PPM1H: variants seen among roughly 807,000 people sequenced by gnomAD.
The protein encoded by PPM1H is protein phosphatase, Mg2+/Mn2+ dependent 1H.
A neutral mutation model predicts 54.9 loss-of-function variants in PPM1H; 27 were observed. The observed-to-expected ratio is 0.49, with a 90% CI of 0.36 to 0.68. The LOEUF is 0.68. PPM1H is among the 30% of genes least tolerant of loss of function. The pLI is 0.00. For missense variants in PPM1H, 596 were observed against 667.8 expected (o/e 0.89, Z 1.19); for synonymous variants, 305 against 270.8 (o/e 1.13, Z -1.24).
intron 9 of PPM1H, 112 bp downstream of exon 9, chr12:62,667,066 G>T: frequency 8.1e-7 from 1 of 1,237,994 alleles, no homozygotes; most frequent in East Asian, 2.4e-5. Context: ...TTACTGTACC[G>T]TCCATATCAG....
chr12:62,834,968 C>G (rs1868458758), intron 1 of PPM1H, among the ~76,000 whole-genome samples: 1 of 152,148 alleles, frequency 6.6e-6, no homozygotes, highest in Non-Finnish European at 1.5e-5. Context: ...CTGGGAAAAC[C>G]TGTTCATGAC....
intron 1 of PPM1H, among the ~76,000 whole-genome samples, chr12:62,906,358 A>T (rs1035959296): frequency 6.6e-6 from 1 of 152,220 alleles, no homozygotes; most frequent in African/African-American, 2.4e-5. Context: ...TTTATGTTTC[A>T]TAATCACTGG....
At chr12:62,791,049 T>C (rs963564294) in intron 3 of PPM1H, among the ~76,000 whole-genome samples, 3 of 152,176 alleles carry the variant, frequency 2.0e-5, no homozygotes, top group Non-Finnish European at 2.9e-5. Flanking sequence ...TTAATAAATA[T>C]CTGTTCAATG....
chr12:62,913,480 T>G (rs1365994455), intron 1 of PPM1H, among the ~76,000 whole-genome samples: 1 of 152,108 alleles, frequency 6.6e-6, no homozygotes, highest in Non-Finnish European at 1.5e-5. Context: ...TGCCCTTCCA[T>G]GCACCCACAC....
chr12:62,713,533 A>G (rs1216668710), intron 6 of PPM1H, among the ~76,000 whole-genome samples: 1 of 152,178 alleles, frequency 6.6e-6, no homozygotes, highest in African/African-American at 2.4e-5. Flanking sequence ...CCTAAGCACA[A>G]TGACTGATGC....
intron 8 of PPM1H, among the ~76,000 whole-genome samples, chr12:62,682,526 A>G (rs2076024867): frequency 6.6e-6 from 1 of 152,208 alleles, no homozygotes; most frequent in African/African-American, 2.4e-5. Flanking sequence ...CTAAGAGACA[A>G]GGTCTCACTC....
At chr12:62,785,301 C>T (rs1434083016) in intron 4 of PPM1H, among the ~76,000 whole-genome samples, 1 of 152,210 alleles carries the variant, frequency 6.6e-6, no homozygotes, top group Non-Finnish European at 1.5e-5. Flanking sequence ...CTCAGCCTCC[C>T]AGGTAGCCGG....
In PPM1H at chr12:62,720,163, G is replaced by A. The variant is rs1259946381; in HGVS notation, c.1073+8C>T. ...GTGGTTCCGAGGCAGAGGAAGGCATGTTCTTACCAGCCTGTCATATTAAAG... is the reference window on the plus strand; with the variant it reads ...GTGGTTCCGAGGCAGAGGAAGGCATATTCTTACCAGCCTGTCATATTAAAG... On this transcript the variant is annotated splice_region_variant and intron_variant, in intron 6 of 9. Transcript: ENST00000228705. The A allele has an allele frequency of 7.0e-6, 11 of 1,579,392 alleles. No homozygotes were observed. Among genetic ancestry groups the A allele is most frequent in the Non-Finnish European group, 9.6e-6 (11 of 1,148,576 alleles).
At position 62,801,992 on chromosome 12, in the gene PPM1H, C is replaced by G. The variant is rs1333679703; in HGVS notation, c.580G>C (p.Glu194Gln). ...SAVLPPTCLG[E>Q]EPENTPANSR... ...TTGGCGGGCGTGTTCTCAGGCTCCTCCCCCAGGCAGGTAGGGGGCAGGACG... is the reference window on the plus strand; with the variant it reads ...TTGGCGGGCGTGTTCTCAGGCTCCTGCCCCAGGCAGGTAGGGGGCAGGACG... The change falls in exon 3 of 10, where the codon GAG becomes CAG. Residue 194 changes from glutamate to glutamine, a missense_variant. Physicochemically the swap from Glu to Gln is conservative, Grantham distance 29 (BLOSUM62 2). Around this residue, in one of 3 missense-constraint regions of PPM1H, gnomAD observed 382 missense variants for 387.1 expected, o/e 0.99. Transcript: ENST00000228705. The G allele has an allele frequency of 6.2e-7, 1 of 1,613,154 alleles. No homozygotes were observed. The highest frequency in any genetic ancestry group is 8.5e-7 in the Non-Finnish European group (1 of 1,179,600).
chr12:62,771,391 T>C (rs754542123), intron 4 of PPM1H, among the ~76,000 whole-genome samples: 3 of 151,728 alleles, frequency 2.0e-5, no homozygotes, highest in Non-Finnish European at 4.4e-5. Flanking sequence ...ACATCTAACC[T>C]GGTAAGAATA....
chr12:62,657,279 C>T (rs2075850110), intron 9 of PPM1H, among the ~76,000 whole-genome samples: 2 of 152,140 alleles, frequency 1.3e-5, no homozygotes, highest in Admixed American at 6.5e-5. Flanking sequence ...GTTTTTAGTT[C>T]AAATTCCAAA....
intron 4 of PPM1H, among the ~76,000 whole-genome samples, chr12:62,760,429 G>A (rs11611338): frequency 0.41 from 61,459 of 151,604 alleles, 12,798 homozygotes; most frequent in Non-Finnish European, 0.45. Context: ...TCCTCCGGTC[G>A]CTCCCTGCCA....
intron 1 of PPM1H, among the ~76,000 whole-genome samples, chr12:62,859,316 C>T (rs551974226): frequency 6.6e-6 from 1 of 152,328 alleles, no homozygotes; most frequent in South Asian, 2.1e-4. Flanking sequence ...TACATTTTCA[C>T]ATCTAGCTCT....
Position 62,659,683 on chromosome 12 carries a change from C to T in PPM1H, c.1397+7495G>A, listed in dbSNP as rs529822852. ...CCCAACAATCAAACGACAAAAGCCCCTAGTCTTGCCTGTCTCAGGCCTCAT... is the reference window on the plus strand; with the variant it reads ...CCCAACAATCAAACGACAAAAGCCCTTAGTCTTGCCTGTCTCAGGCCTCAT... On this transcript the variant is annotated intron_variant, in intron 9 of 9. Transcript: ENST00000228705. Among the ~76,000 whole-genome samples, 27 of 152,330 alleles carry T rather than the reference C, an allele frequency of 1.8e-4. No individual in the cohort carries two copies. The South Asian group carries it at 5.6e-3, about 32-fold the overall frequency.
intron 2 of PPM1H, among the ~76,000 whole-genome samples, chr12:62,806,219 T>C (rs565894141): frequency 5.3e-5 from 8 of 152,210 alleles, no homozygotes; most frequent in African/African-American, 1.7e-4. Context: ...ATTTTTAGTA[T>C]AATGCTAGAA....
Position 62,644,870 on chromosome 12 carries a change from G to A in PPM1H, c.*3619C>T, listed in dbSNP as rs574087490. ...TAGGATCAGCTTCGTTGTTCTTTGC[G>A]TAGACAATGACTCTCACAGCTTTCT... is the stretch of plus-strand genomic sequence containing the variant. On this transcript the variant is annotated 3_prime_UTR_variant, in exon 10 of 10. Transcript: ENST00000228705. 1.6e-4 allele frequency: 24 copies of A among 152,194 alleles called. No individual in the cohort carries two copies. Among genetic ancestry groups the A allele is most frequent in the African/African-American group, 5.3e-4 (22 of 41,438 alleles). 9.4% of individuals were successfully genotyped at this position (152,194 alleles called of 1,614,324 possible). A position where few individuals can be genotyped will look rare whatever the true frequency, so the allele number is the denominator to read the frequency against.
At position 62,921,796 on chromosome 12, in the gene PPM1H, C is replaced by A. The variant is rs1728091294; in HGVS notation, c.245+12696G>T. Among the ~76,000 whole-genome samples, 3 of 152,084 alleles carry A rather than the reference C, an allele frequency of 2.0e-5. No individual in the cohort carries two copies. In the South Asian group the frequency reaches 6.2e-4, roughly 32 times the overall value. On this transcript the variant is annotated intron_variant, in intron 1 of 9. Transcript: ENST00000228705. ...AGACGCCATCTCTAAGACAAACAAGCAAACAAAAAACTTGACTCTGCTTAA... is the reference window on the plus strand; with the variant it reads ...AGACGCCATCTCTAAGACAAACAAGAAAACAAAAAACTTGACTCTGCTTAA...
chr12:62,917,351 C>A (rs1871656947), intron 1 of PPM1H, among the ~76,000 whole-genome samples: 1 of 152,220 alleles, frequency 6.6e-6, no homozygotes, highest in Non-Finnish European at 1.5e-5. Flanking sequence ...AATGAAAAGG[C>A]TGAAATCAGA....
At chr12:62,682,824 T>C (rs931646372) in intron 8 of PPM1H, among the ~76,000 whole-genome samples, 2 of 148,258 alleles carry the variant, frequency 1.3e-5, no homozygotes, top group Non-Finnish European at 3.0e-5. Context: ...CTCTTTTTCA[T>C]GGGGAGGGGT....
Sources: allele counts gnomAD v4.1 joint callset (sites outside exome capture counted in the v4.1 genomes callset), GRCh38; gene constraint gnomAD v4.1.1; regional missense constraint gnomAD v4.1.1; transcripts MANE v1.5; gene names NCBI Gene and HGNC (gene_info 2026-07-23, HGNC 2026-07-21).